The following ARHGAP25 variants were observed in gnomAD, a reference collection of about 807,000 sequenced individuals.
ARHGAP25 encodes the protein rho GTPase-activating protein 25.
ARHGAP25 carries 34 observed loss-of-function variants against 71.0 expected under a neutral mutation model. The observed-to-expected ratio is 0.48, with a 90% CI of 0.36 to 0.64. The LOEUF (loss-of-function observed/expected upper bound fraction) is 0.64. Among genes scored for constraint, ARHGAP25 ranks in the 30% least tolerant of loss-of-function variants. The pLI, the probability that ARHGAP25 is intolerant of heterozygous loss-of-function variation, is 0.00. For missense variants in ARHGAP25, 706 were observed against 805.1 expected, an observed-to-expected ratio of 0.88 and a Z score of 1.49; for synonymous variants, 282 against 296.5, an observed-to-expected ratio of 0.95 and a Z score of 0.50.
intron 3 of ARHGAP25, among the ~76,000 whole-genome samples, chr2:68,785,505 T>A (rs1008540297): frequency 6.6e-6 from 1 of 152,122 alleles, no homozygotes; most frequent in Non-Finnish European, 1.5e-5. Context: ...AAAAGATGGA[T>A]TTGCTGAGAT....
At chr2:68,753,415 C>G (rs1317897029) in intron 1 of ARHGAP25, among the ~76,000 whole-genome samples, 1 of 152,140 alleles carries the variant, frequency 6.6e-6, no homozygotes, top group African/African-American at 2.4e-5. Flanking sequence ...CCCAGTACTA[C>G]TTGAATTATG....
intron 1 of ARHGAP25, among the ~76,000 whole-genome samples, chr2:68,766,621 A>T (rs1051464294): frequency 3.9e-5 from 6 of 152,192 alleles, no homozygotes; most frequent in African/African-American, 1.4e-4. Context: ...CTGGCGTGCA[A>T]AAAAACCTTG....
intron 4 of ARHGAP25, among the ~76,000 whole-genome samples, chr2:68,799,158 G>C (rs1376088815): frequency 6.6e-6 from 1 of 152,184 alleles, no homozygotes; most frequent in Non-Finnish European, 1.5e-5. Flanking sequence ...ACATTGCCAG[G>C]GGGTGGGAGT....
intron 1 of ARHGAP25, among the ~76,000 whole-genome samples, chr2:68,768,897 C>G (rs1195451288): frequency 6.6e-6 from 1 of 152,202 alleles, no homozygotes; most frequent in Non-Finnish European, 1.5e-5. Flanking sequence ...TCTCCCAGAT[C>G]CATCAGGGCT....
At chr2:68,758,184 A>G (rs1676592418) in intron 1 of ARHGAP25, among the ~76,000 whole-genome samples, 1 of 152,054 alleles carries the variant, frequency 6.6e-6, no homozygotes, top group Non-Finnish European at 1.5e-5. Flanking sequence ...GAAGATAGTA[A>G]TGCAGGGAAT....
rs201277347 is a variant in ARHGAP25 at position 68,822,901 on chromosome 2, C to T, written c.1733+29C>T. ...AGTCAGACAGAGGGGCACTGAGAGG[C>T]ACTTGGCTTCCATCTTTAGAGACAA... On this transcript the variant is annotated intron_variant, in intron 10 of 10. Coordinates refer to ENST00000409202, the MANE Select transcript of ARHGAP25 (RefSeq NM_001007231.3). The T allele has an allele frequency of 3.9e-3, 6,048 of 1,563,886 alleles. 19 individuals carry two copies. Among genetic ancestry groups the T allele is most frequent in the Non-Finnish European group, 4.8e-3 (5,600 of 1,158,714 alleles).
At chr2:68,739,066 A>G (rs1362680728) in intron 1 of ARHGAP25, among the ~76,000 whole-genome samples, 1 of 152,208 alleles carries the variant, frequency 6.6e-6, no homozygotes, top group East Asian at 1.9e-4. Flanking sequence ...CCATTTGAGG[A>G]AAAAGGACTG....
chr2:68,810,529 A>G lies in ARHGAP25; in HGVS notation c.675-2758A>G, dbSNP rs149897586. Among the ~76,000 whole-genome samples the G allele has an allele frequency of 8.5e-5, 13 of 152,298 alleles. No individual in the cohort carries two copies. In the East Asian group the frequency reaches 2.5e-3, roughly 29 times the overall value. On this transcript the variant is annotated intron_variant, in intron 5 of 10. Coordinates refer to ENST00000409202, the MANE Select transcript of ARHGAP25 (RefSeq NM_001007231.3). ...TTTCTGTAAGTTTCAGTGTTGTAAGATGATTTATATAGCTAATTTTGCTCT... is the reference window on the plus strand; with the variant it reads ...TTTCTGTAAGTTTCAGTGTTGTAAGGTGATTTATATAGCTAATTTTGCTCT...
chr2:68,757,019 C>T (rs1573448384), intron 1 of ARHGAP25, among the ~76,000 whole-genome samples: 1 of 152,026 alleles, frequency 6.6e-6, no homozygotes, highest in African/African-American at 2.4e-5. Context: ...AGTACAATAA[C>T]TGAAATGAAA....
At chr2:68,803,545 G>T (rs1363213442) in intron 4 of ARHGAP25, among the ~76,000 whole-genome samples, 1 of 152,114 alleles carries the variant, frequency 6.6e-6, no homozygotes, top group Non-Finnish European at 1.5e-5. Context: ...ATTTGCATGA[G>T]AACTGAGGTG....
chr2:68,754,915 T>C (rs1676389733), intron 1 of ARHGAP25, among the ~76,000 whole-genome samples: 1 of 146,890 alleles, frequency 6.8e-6, no homozygotes, highest in African/African-American at 2.6e-5. Context: ...CTTGTTTTCT[T>C]ATTGTTGAGT....
intron 2 of ARHGAP25, among the ~76,000 whole-genome samples, chr2:68,776,149 G>A (rs11687336): frequency 0.31 from 46,547 of 152,014 alleles, 7,637 homozygotes; most frequent in Middle Eastern, 0.4. Context: ...AAGGGAGCAT[G>A]TCTGGCCTGG....
chr2:68,804,099 T>C (rs912268482), intron 4 of ARHGAP25, among the ~76,000 whole-genome samples: 2 of 151,996 alleles, frequency 1.3e-5, no homozygotes, highest in East Asian at 1.9e-4. Flanking sequence ...AAATAGAGGA[T>C]GAAGGCAGGA....
chr2:68,823,267 C>A (rs1681844623), intron 10 of ARHGAP25, among the ~76,000 whole-genome samples: 1 of 151,818 alleles, frequency 6.6e-6, no homozygotes, highest in South Asian at 2.1e-4. Flanking sequence ...TAGCACTGAA[C>A]AAAAGAGACA....
chr2:68,769,668 T>TG (rs1677356644), intron 1 of ARHGAP25, among the ~76,000 whole-genome samples: 2 of 152,130 alleles, frequency 1.3e-5, no homozygotes, highest in African/African-American at 2.4e-5. Context: ...GTGTCTCCAC[T>TG]GACAAGGGTC....
chr2:68,743,203 T>C (rs1371493837), intron 1 of ARHGAP25, among the ~76,000 whole-genome samples: 3 of 152,184 alleles, frequency 2.0e-5, no homozygotes, highest in Non-Finnish European at 4.4e-5. Flanking sequence ...CATGACTTAG[T>C]GCTTCCTCCT....
At chr2:68,724,134 C>T (rs1674828834) in intron 2 of ARHGAP25, among the ~76,000 whole-genome samples, 1 of 152,138 alleles carries the variant, frequency 6.6e-6, no homozygotes, top group African/African-American at 2.4e-5. Context: ...AACCATGCAG[C>T]TGAGAAGGAC....
intron 2 of ARHGAP25, among the ~76,000 whole-genome samples, chr2:68,715,416 A>T (rs1170796866): frequency 2.0e-5 from 3 of 152,006 alleles, no homozygotes; most frequent in Non-Finnish European, 4.4e-5. Flanking sequence ...ACAACAACAA[A>T]GAGACAAAAC....
chr2:68,760,863 CA>C (rs749565883), intron 1 of ARHGAP25, among the ~76,000 whole-genome samples: 9,087 of 54,512 alleles, frequency 0.17, 295 homozygotes, highest in Admixed American at 0.24. Context: ...TCCTGAATAG[CA>C]AAAAAAAAAA....
Sources: gnomAD v4.1 joint callset for allele counts (sites outside exome capture counted in the v4.1 genomes callset) on GRCh38, gnomAD v4.1.1 for gene constraint, MANE v1.5 for transcripts, NCBI Gene and HGNC (gene_info 2026-07-23, HGNC 2026-07-21) for gene names.